The following LRP1B variants were observed in gnomAD, a reference collection of about 807,000 sequenced individuals.
The protein encoded by LRP1B is low-density lipoprotein receptor-related protein 1B.
In LRP1B, 217 loss-of-function variants were observed where a neutral mutation model predicts 556.6. That is an observed-to-expected ratio of 0.39 (90% CI 0.35 to 0.44). LRP1B has a LOEUF of 0.44. Among genes scored for constraint, LRP1B ranks in the 20% least tolerant of loss-of-function variants. The pLI, the probability that LRP1B is intolerant of heterozygous loss-of-function variation, is 1.00. For synonymous variants in LRP1B, 2,047 were observed against 1,865.8 expected (o/e 1.10, Z -2.50); for missense variants, 5,053 against 5,620.8 (o/e 0.90, Z 3.23).
At chr2:140,313,406 G>A (rs551555870) in intron 83 of LRP1B, among the ~76,000 whole-genome samples, 4 of 151,948 alleles carry the variant, frequency 2.6e-5, no homozygotes, top group African/African-American at 9.6e-5. Flanking sequence ...AAGTTGTGCT[G>A]TATCTATATA....
intron 2 of LRP1B, among the ~76,000 whole-genome samples, chr2:141,575,782 T>C (rs1381595529): frequency 6.8e-6 from 1 of 147,508 alleles, no homozygotes; most frequent in East Asian, 2.0e-4. Flanking sequence ...CGTCAAAAAG[T>C]GGCCAAAGAT....
In LRP1B at chr2:141,813,554, G is replaced by T. The variant is rs75219241; in HGVS notation, c.83-3153C>A. ...TGGTCAGGGAATATGGGATTCCAGA[G>T]ATCAGATAAAGGTTTTTTTTTTTTA... On this transcript the variant is annotated intron_variant, in intron 1 of 90. Transcript: ENST00000389484. Among the ~76,000 whole-genome samples, 342 of 150,618 alleles carry T rather than the reference G, an allele frequency of 2.3e-3. 1 individual carries two copies. Among genetic ancestry groups the T allele is most frequent in the African/African-American group, 8.1e-3 (329 of 40,732 alleles).
intron 2 of LRP1B, among the ~76,000 whole-genome samples, chr2:141,515,530 C>G (rs770954927): frequency 6.7e-6 from 1 of 149,600 alleles, no homozygotes; most frequent in East Asian, 2.0e-4. Context: ...CTTAAAATTG[C>G]AAAATACTAG....
chr2:140,326,576 G>GT (rs1356742646), intron 79 of LRP1B, among the ~76,000 whole-genome samples: 1 of 151,972 alleles, frequency 6.6e-6, no homozygotes, highest in African/African-American at 2.4e-5. Context: ...TTAGCAGGGA[G>GT]TGGTGTCTGG....
At chr2:141,748,220 T>C (rs1482714176) in intron 2 of LRP1B, among the ~76,000 whole-genome samples, 1 of 152,166 alleles carries the variant, frequency 6.6e-6, no homozygotes, top group Non-Finnish European at 1.5e-5. Context: ...TTATGTAATA[T>C]CAATGAGTAG....
chr2:141,137,060 A>T (rs1701509695), intron 7 of LRP1B, among the ~76,000 whole-genome samples: 2 of 151,954 alleles, frequency 1.3e-5, no homozygotes, highest in Admixed American at 1.3e-4. Context: ...TATGAATATC[A>T]CATAAGGCCA....
rs573140409 is a variant in LRP1B, at chr2:140,579,709, G to T, written c.7194+18922C>A. ...ATACAAAAATCAGCCGGGCGTGATA[G>T]CACACACCTGTAATCCCAGCTACTT... On this transcript the variant is annotated intron_variant, in intron 43 of 90. Transcript: ENST00000389484. Among the ~76,000 whole-genome samples the T allele has an allele frequency of 3.9e-5, 6 of 152,278 alleles. No homozygotes were observed. The East Asian group carries it at 9.7e-4, about 25-fold the overall frequency.
At chr2:141,177,468 A>C (rs1680786919) in intron 7 of LRP1B, among the ~76,000 whole-genome samples, 1 of 152,136 alleles carries the variant, frequency 6.6e-6, no homozygotes, top group Non-Finnish European at 1.5e-5. Context: ...ATCAACATTA[A>C]AATATTTGGT....
intron 31 of LRP1B, among the ~76,000 whole-genome samples, chr2:140,835,674 A>G (rs1691874652): frequency 6.6e-6 from 1 of 152,114 alleles, no homozygotes; most frequent in Admixed American, 6.6e-5. Context: ...AGTAACTGGG[A>G]TTACAGGCGC....
intron 88 of LRP1B, among the ~76,000 whole-genome samples, chr2:140,238,715 T>C (rs1680819358): frequency 6.6e-6 from 1 of 150,860 alleles, no homozygotes; most frequent in Non-Finnish European, 1.5e-5. Flanking sequence ...TTTGTACAAG[T>C]GCAAGTTTGT....
intron 2 of LRP1B, among the ~76,000 whole-genome samples, chr2:141,541,487 T>C (rs1685258887): frequency 1.3e-5 from 2 of 152,064 alleles, no homozygotes; most frequent in Admixed American, 6.6e-5. Flanking sequence ...AGCGTGTTCA[T>C]GAAGTGTTTG....
At chr2:141,511,689 C>T (rs1352998696) in intron 2 of LRP1B, among the ~76,000 whole-genome samples, 9 of 152,160 alleles carry the variant, frequency 5.9e-5, no homozygotes, top group Admixed American at 5.2e-4. Context: ...AGTGCGTAAA[C>T]TACTCGCAGA....
At position 141,048,923 on chromosome 2, in the gene LRP1B, A is replaced by G; in HGVS notation, c.1789+63T>C. On this transcript the variant is annotated intron_variant, in intron 11 of 90. Transcript: ENST00000389484. ...TTAAAGCTAGTCTGACACACACTGG[A>G]TTTATCCTTTTAAAGTGCTTCATCT... 2.4e-6 allele frequency: 3 copies of G among 1,268,014 alleles called. No individual in the cohort carries two copies. In the South Asian group the frequency reaches 3.6e-5, roughly 15 times the overall value. The allele number at this position is 1,268,014 out of a possible 1,614,324, so 78.5% of individuals were successfully genotyped here.
intron 33 of LRP1B, among the ~76,000 whole-genome samples, chr2:140,773,589 A>T (rs1689391961): frequency 6.6e-6 from 1 of 151,752 alleles, no homozygotes; most frequent in African/African-American, 2.4e-5. Context: ...AATTGCAAAA[A>T]TAGCCATATA....
At position 141,270,331 on chromosome 2, in the gene LRP1B, G is replaced by T. The variant is rs147959450; in HGVS notation, c.344-15690C>A. Among the ~76,000 whole-genome samples, 637 of 152,126 alleles carry T rather than the reference G, an allele frequency of 4.2e-3. 2 individuals are homozygous for T. Among genetic ancestry groups the T allele is most frequent in the African/African-American group, 0.014 (584 of 41,536 alleles). On this transcript the variant is annotated intron_variant, in intron 3 of 90. Transcript: ENST00000389484. ...TTTTGGTGATGATGTGGAAAAATTA[G>T]AATCCTTTTGCATTGGTGGTAGAGA... is the stretch of plus-strand genomic sequence containing the variant.
chr2:141,491,839 T>C (rs530487780), intron 2 of LRP1B, among the ~76,000 whole-genome samples: 3 of 152,222 alleles, frequency 2.0e-5, no homozygotes, highest in South Asian at 2.1e-4. Context: ...TGTTTTTTTC[T>C]TTTTAAGATA....
At chr2:142,087,375 C>T (rs1432280149) in intron 1 of LRP1B, among the ~76,000 whole-genome samples, 2 of 151,776 alleles carry the variant, frequency 1.3e-5, no homozygotes, top group Non-Finnish European at 2.9e-5. Context: ...CTTACTTTGG[C>T]AGTAATTTTC....
intron 2 of LRP1B, among the ~76,000 whole-genome samples, chr2:141,705,319 C>A (rs1692097449): frequency 6.6e-6 from 1 of 151,890 alleles, no homozygotes; most frequent in Admixed American, 6.6e-5. Context: ...GAATGGATCA[C>A]CACATTTCCT....
intron 76 of LRP1B, among the ~76,000 whole-genome samples, chr2:140,352,740 T>C (rs1682029476): frequency 6.6e-6 from 1 of 152,088 alleles, no homozygotes; most frequent in Non-Finnish European, 1.5e-5. Context: ...CACAATGTGA[T>C]TTTAACAGTA....
Sources: gnomAD v4.1 joint callset for allele counts (sites outside exome capture counted in the v4.1 genomes callset) on GRCh38, gnomAD v4.1.1 for gene constraint, MANE v1.5 for transcripts, NCBI Gene and HGNC (gene_info 2026-07-23, HGNC 2026-07-21) for gene names.